Variants in SYNJ2 observed in about 807,000 individuals in gnomAD.
SYNJ2 encodes the protein synaptojanin 2, also known as polyphosphatidylinositol phosphatase SYNJ2.
In SYNJ2, 116 loss-of-function variants were observed where a neutral mutation model predicts 141.3. The observed-to-expected ratio is 0.82, with a 90% CI of 0.71 to 0.96. The LOEUF is 0.96. Ranked by LOEUF, SYNJ2 falls within the 40% of genes least tolerant of loss-of-function variation. The probability of loss-of-function intolerance (pLI) is 0.00; values close to 1 mark genes in which losing one functional copy is unlikely to be tolerated. For missense variants in SYNJ2, 1,873 were observed against 1,934.8 expected (o/e 0.97, Z 0.60); for synonymous variants, 745 against 777.7 (o/e 0.96, Z 0.70).
rs1418875501 is a variant in SYNJ2, at chr6:158,064,853, T to G, written c.1387T>G (p.Ser463Ala). ...GGGGAAGCTGAAGGATGGAGCCCGG[T>G]CCATGTCTCGAACCATCCAGTCCAA... ...KVGKLKDGAR[S>A]MSRTIQSNFF... The change falls in exon 11 of 27, where the codon TCC becomes GCC. Residue 463 changes from serine to alanine, a missense_variant. Transcript: ENST00000355585. 6.2e-7 allele frequency: 1 copy of G among 1,611,154 alleles called. No individual in the cohort carries two copies.
intron 2 of SYNJ2, among the ~76,000 whole-genome samples, chr6:158,022,024 C>T (rs1778801552): frequency 6.6e-6 from 1 of 152,208 alleles, no homozygotes; most frequent in African/African-American, 2.4e-5. Flanking sequence ...CCGCTGCCTA[C>T]ACCTCCCTCA....
In SYNJ2 at chr6:158,040,287, GTGTT is replaced by G. The variant is rs1325965754; in HGVS notation, c.712-3023_712-3020del. ...TATACATGTGTGTGGTGTGTGCCTTGTGTTTGTTTTTCATGTGTATGTGTGCAGT... is the reference window on the plus strand; with the variant it reads ...TATACATGTGTGTGGTGTGTGCCTTGTGTTTTTCATGTGTATGTGTGCAGT... On this transcript the variant is annotated intron_variant, in intron 4 of 26. Coordinates refer to ENST00000355585, the MANE Select transcript of SYNJ2 (RefSeq NM_003898.4). This position sits in a 1 kb window ranked among gnomAD's most constrained non-coding sequence, Gnocchi z 4.2. Among the ~76,000 whole-genome samples the G allele has an allele frequency of 2.6e-5, 4 of 152,042 alleles. No individual in the cohort carries two copies. Among genetic ancestry groups the G allele is most frequent in the African/African-American group, 7.3e-5 (3 of 41,376 alleles).
intron 12 of SYNJ2, chr6:158,067,313 C>T (rs1180249813): frequency 1.7e-5 from 10 of 585,572 alleles, no homozygotes; most frequent in Non-Finnish European, 2.2e-5. Flanking sequence ...GCCACCGCGC[C>T]TGGCCCTGCC....
At chr6:158,060,228 G>T (rs1000405476) in intron 7 of SYNJ2, among the ~76,000 whole-genome samples, 1 of 152,144 alleles carries the variant, frequency 6.6e-6, no homozygotes, top group Non-Finnish European at 1.5e-5. Flanking sequence ...TCCTTGGGGG[G>T]CTTTTCCTGG....
chr6:157,984,125 T>C (rs1263728051), intron 1 of SYNJ2, among the ~76,000 whole-genome samples: 2 of 152,232 alleles, frequency 1.3e-5, no homozygotes, highest in Non-Finnish European at 2.9e-5. Flanking sequence ...CATGAACTAC[T>C]TACTGCGTCT....
At chr6:157,993,067 CAT>C (rs1777510394) in intron 1 of SYNJ2, among the ~76,000 whole-genome samples, 1 of 152,168 alleles carries the variant, frequency 6.6e-6, no homozygotes, top group Admixed American at 6.5e-5. Context: ...TAGTACATAA[CAT>C]ATATAACATA....
Position 158,063,847 on chromosome 6 carries a change from CTG to C in SYNJ2, c.1187_1188del (p.Val396AlafsTer25). 1.2e-6 allele frequency: 2 copies of C among 1,613,698 alleles called. No homozygotes were observed. Among genetic ancestry groups the C allele is most frequent in the Non-Finnish European group, 1.7e-6 (2 of 1,179,840 alleles). ...CTTGACTGCCTGGACCGAACCAACA[CTG>C]TGCAGAGCTTCATCGCGCTCGAGGT... On this transcript the variant is annotated frameshift_variant, in exon 9 of 27. Coordinates refer to ENST00000355585, the MANE Select transcript of SYNJ2 (RefSeq NM_003898.4). LOFTEE classifies it high-confidence loss of function.
In SYNJ2 at chr6:158,046,098, A is replaced by C. The variant is rs373756204; in HGVS notation, c.795+2699A>C. Among the ~76,000 whole-genome samples the C allele has an allele frequency of 4.5e-4, 69 of 152,120 alleles. 2 individuals carry two copies. In the East Asian group the frequency reaches 0.012, roughly 26 times the overall value. Reference sequence around the variant, plus strand: ...GCTGGGGTTACAGGCACCCACCACCATGCCTGGCTAATTTTTTTTGTATTT... The same window carrying C: ...GCTGGGGTTACAGGCACCCACCACCCTGCCTGGCTAATTTTTTTTGTATTT... On this transcript the variant is annotated intron_variant, in intron 5 of 26. Coordinates refer to ENST00000355585, the MANE Select transcript of SYNJ2 (RefSeq NM_003898.4).
chr6:158,021,280 C>T (rs1362141272), intron 2 of SYNJ2, among the ~76,000 whole-genome samples: 2 of 152,082 alleles, frequency 1.3e-5, no homozygotes, highest in Non-Finnish European at 2.9e-5. Context: ...GACAGCCCTC[C>T]TAGATTCTAG....
intron 26 of SYNJ2, 78 bp downstream of exon 26, chr6:158,093,182 T>A: frequency 6.8e-7 from 1 of 1,470,506 alleles, no homozygotes; most frequent in Non-Finnish European, 9.1e-7. Flanking sequence ...TGGCCTGTAA[T>A]CCCAGCACAT....
chr6:158,093,053 C>T lies in SYNJ2; in HGVS notation c.3693C>T (p.Pro1231=), dbSNP rs756486521. ...PQAPPLLPRR[P]PPRVPAIKKP... is the part of the protein sequence containing the mutation. ...CGCCCCCACTCCTTCCCCGTCGGCC[C>T]CCACCCAGAGTTCCTGCCATCAAGA... The change falls in exon 26 of 27, where the codon CCC becomes CCT. Residue 1231 remains proline, a synonymous_variant. Transcript: ENST00000355585. 1.4e-5 allele frequency: 22 copies of T among 1,608,590 alleles called. No homozygotes were observed. The South Asian group carries it at 2.3e-4, about 17-fold the overall frequency.
chr6:158,029,062 G>A, intron 3 of SYNJ2, 36 bp downstream of exon 3: 1 of 1,607,660 alleles, frequency 6.2e-7, no homozygotes, highest in Non-Finnish European at 8.5e-7. Flanking sequence ...GGTGGGCCCT[G>A]GGTCTCCTGC....
chr6:158,054,702 T>C (rs899169088), intron 5 of SYNJ2, among the ~76,000 whole-genome samples: 1 of 152,144 alleles, frequency 6.6e-6, no homozygotes, highest in African/African-American at 2.4e-5. Flanking sequence ...CTGCTTTCTG[T>C]GGAAGAATTG....
chr6:158,062,133 G>A lies in SYNJ2; in HGVS notation c.1096G>A (p.Val366Met), dbSNP rs750989803. The A allele has an allele frequency of 8.1e-6, 13 of 1,614,042 alleles. No individual in the cohort carries two copies. The highest frequency in any genetic ancestry group is 1.7e-4 in the Middle Eastern group (1 of 6,036). ...AAAGCTGCACTGGGAAGACTTCGAT[G>A]TGTTCACAAAGGGGGAGAACGTCAG... Reference protein sequence around the residue: ...QLKLHWEDFDVFTKGENVSPR... With the variant: ...QLKLHWEDFDMFTKGENVSPR... Residue 366 changes from valine to methionine, a missense_variant, in exon 8 of 27, where the codon GTG becomes ATG. Val to Met is a conservative substitution (Grantham distance 21, BLOSUM62 1). Coordinates refer to ENST00000355585, the MANE Select transcript of SYNJ2 (RefSeq NM_003898.4).
chr6:158,063,659 CAAAAAAAAAAA>C (rs71298907), intron 8 of SYNJ2, 121 bp from the exon 9 acceptor site: 2,908 of 188,288 alleles, frequency 0.015, 5 homozygotes, highest in East Asian at 0.036. Flanking sequence ...GACTCTGTCT[CAAAAAAAAAAA>C]AAAAAAAAAA....
In SYNJ2 at chr6:158,096,161, C is replaced by A; in HGVS notation, c.4288C>A (p.Leu1430Ile). The A allele has an allele frequency of 6.2e-7, 1 of 1,614,244 alleles. No homozygotes were observed. Among genetic ancestry groups the A allele is most frequent in the Non-Finnish European group, 8.5e-7 (1 of 1,180,052 alleles). The change falls in exon 27 of 27, where the codon CTT becomes ATT. Residue 1430 changes from leucine (L) to isoleucine (I), a missense_variant. Coordinates refer to ENST00000355585, the MANE Select transcript of SYNJ2 (RefSeq NM_003898.4). The part of the protein sequence containing the change: ...HHPKLLNNTW[L>I]SKSSDPLDSG... Reference sequence around the variant, plus strand: ...CCCTAAACTGTTGAATAACACTTGGCTTTCTAAGAGCTCAGACCCTTTGGA... The same window carrying A: ...CCCTAAACTGTTGAATAACACTTGGATTTCTAAGAGCTCAGACCCTTTGGA...
At chr6:158,015,718 C>T (rs950046073) in intron 1 of SYNJ2, among the ~76,000 whole-genome samples, 1 of 152,126 alleles carries the variant, frequency 6.6e-6, no homozygotes, top group Non-Finnish European at 1.5e-5. Flanking sequence ...TAATAGACCC[C>T]ACTGGATTTT....
intron 1 of SYNJ2, among the ~76,000 whole-genome samples, chr6:158,004,900 C>T (rs906634878): frequency 1.6e-5 from 2 of 128,138 alleles, no homozygotes; most frequent in African/African-American, 2.5e-5. Flanking sequence ...CTTCAGTGGC[C>T]ACGTCGTTGA....
At chr6:158,032,220 A>C (rs766746713) in intron 3 of SYNJ2, among the ~76,000 whole-genome samples, 11 of 152,156 alleles carry the variant, frequency 7.2e-5, no homozygotes, top group Non-Finnish European at 1.6e-4. Flanking sequence ...CTTTGGTCAC[A>C]GTCGGGGAGG....
Sources: allele counts gnomAD v4.1 joint callset (sites outside exome capture counted in the v4.1 genomes callset), GRCh38; gene constraint gnomAD v4.1.1; non-coding constraint Gnocchi (gnomAD v3.1); transcripts MANE v1.5; gene names NCBI Gene and HGNC (gene_info 2026-07-23, HGNC 2026-07-21).